Variants in TMEM117 observed in about 807,000 individuals in gnomAD.
TMEM117 encodes transmembrane protein 117.
In TMEM117, 27 loss-of-function variants were observed where a neutral mutation model predicts 52.4. The ratio of observed to expected loss-of-function variants is 0.51; its 90% CI spans 0.38 to 0.71. The LOEUF (loss-of-function observed/expected upper bound fraction) is 0.71. Ranked by LOEUF, TMEM117 falls within the 30% of genes least tolerant of loss-of-function variation. TMEM117 has a pLI of 0.00. For synonymous variants in TMEM117, 215 were observed against 206.3 expected, an observed-to-expected ratio of 1.04 and a Z score of -0.36; for missense variants, 556 against 630.5, an observed-to-expected ratio of 0.88 and a Z score of 1.26.
intron 5 of TMEM117, among the ~76,000 whole-genome samples, chr12:44,230,518 A>G (rs1273250269): frequency 6.6e-6 from 1 of 151,766 alleles, no homozygotes; most frequent in African/African-American, 2.4e-5. Context: ...TCAGATTCTC[A>G]CCCTCTTTCT....
chr12:43,832,320 T>C (rs1942987750), upstream of TMEM117, among the ~76,000 whole-genome samples: 1 of 152,216 alleles, frequency 6.6e-6, no homozygotes, highest in African/African-American at 2.4e-5. Context: ...ACCTATTACA[T>C]GGCAGACACT....
chr12:44,246,419 C>A (rs1333507731), intron 5 of TMEM117, among the ~76,000 whole-genome samples: 1 of 152,092 alleles, frequency 6.6e-6, no homozygotes, highest in African/African-American at 2.4e-5. Flanking sequence ...TTAAAGAAGA[C>A]TGTTTGCTTT....
At chr12:44,322,432 C>T (rs1350209652) in intron 6 of TMEM117, among the ~76,000 whole-genome samples, 9 of 152,074 alleles carry the variant, frequency 5.9e-5, no homozygotes, top group Non-Finnish European at 1.0e-4. Context: ...AGCTTCATTT[C>T]GCTACTAAAA....
chr12:44,191,638 T>C (rs1385860296), intron 4 of TMEM117, among the ~76,000 whole-genome samples: 1 of 152,146 alleles, frequency 6.6e-6, no homozygotes, highest in Non-Finnish European at 1.5e-5. Flanking sequence ...GCTCACCTTA[T>C]ATAATAATGA....
At chr12:43,976,796 T>C (rs1328299612) in intron 3 of TMEM117, among the ~76,000 whole-genome samples, 2 of 152,212 alleles carry the variant, frequency 1.3e-5, no homozygotes, top group Non-Finnish European at 2.9e-5. Context: ...TTGAAGAGTA[T>C]AGATGTGTGC....
At chr12:43,882,222 G>A (rs1334010266) in intron 2 of TMEM117, among the ~76,000 whole-genome samples, 3 of 152,028 alleles carry the variant, frequency 2.0e-5, no homozygotes, top group Admixed American at 6.6e-5. Flanking sequence ...TATTATGGAA[G>A]GCCAAGGCGG....
At chr12:44,214,138 A>AAT (rs1410724769) in intron 5 of TMEM117, among the ~76,000 whole-genome samples, 3 of 99,222 alleles carry the variant, frequency 3.0e-5, no homozygotes, top group African/African-American at 9.6e-5. Context: ...TTTTTTTTTA[A>AAT]TTTTTTTTTT....
At chr12:44,237,893 A>G (rs1208240945) in intron 5 of TMEM117, among the ~76,000 whole-genome samples, 2 of 152,168 alleles carry the variant, frequency 1.3e-5, no homozygotes, top group African/African-American at 4.8e-5. Context: ...AAGTTAATGC[A>G]TTTGCATTAT....
intron 3 of TMEM117, among the ~76,000 whole-genome samples, chr12:44,004,038 G>A (rs1249924214): frequency 6.6e-6 from 1 of 152,172 alleles, no homozygotes; most frequent in Non-Finnish European, 1.5e-5. Context: ...TAATGGTGGA[G>A]TATCTGAACT....
chr12:44,030,141 T>G (rs1344308109), intron 3 of TMEM117, among the ~76,000 whole-genome samples: 1 of 152,258 alleles, frequency 6.6e-6, no homozygotes, highest in Non-Finnish European at 1.5e-5. Context: ...GTGACTTAAG[T>G]AATCTTTAGG....
intron 3 of TMEM117, among the ~76,000 whole-genome samples, chr12:43,974,233 T>C (rs191924038): frequency 6.6e-5 from 10 of 152,286 alleles, no homozygotes; most frequent in Non-Finnish European, 1.5e-4. Flanking sequence ...TTGTTTTTTC[T>C]TGGAGACTGC....
At chr12:44,241,256 T>C (rs1950058224) in intron 5 of TMEM117, among the ~76,000 whole-genome samples, 1 of 151,870 alleles carries the variant, frequency 6.6e-6, no homozygotes, top group Non-Finnish European at 1.5e-5. Context: ...TTTGATCTGA[T>C]GTTAATTGTA....
In TMEM117 at chr12:44,388,851, C is replaced by A; in HGVS notation, c.*179C>A. 1 of 686,068 alleles carries A rather than the reference C, an allele frequency of 1.5e-6. No individual in the cohort carries two copies. Among genetic ancestry groups the A allele is most frequent in the Non-Finnish European group, 2.4e-6 (1 of 418,786 alleles). 42.5% of individuals were successfully genotyped at this position (686,068 alleles called of 1,614,324 possible). A position where few individuals can be genotyped will look rare whatever the true frequency, so the allele number is the denominator to read the frequency against. On this transcript the variant is annotated 3_prime_UTR_variant, in exon 8 of 8. Coordinates refer to ENST00000266534, the MANE Select transcript of TMEM117 (RefSeq NM_032256.3). ...ATTGTTTTCTATTTGTATTATAATA[C>A]ACGTGCCTACTGTATACTCAACAGT...
At chr12:44,214,045 T>A (rs1949681666) in intron 5 of TMEM117, among the ~76,000 whole-genome samples, 1 of 152,104 alleles carries the variant, frequency 6.6e-6, no homozygotes, top group African/African-American at 2.4e-5. Context: ...ATGATTGCTG[T>A]TTCAGAGGAG....
At chr12:44,104,213 T>C (rs563656253) in intron 3 of TMEM117, among the ~76,000 whole-genome samples, 37 of 152,152 alleles carry the variant, frequency 2.4e-4, no homozygotes, top group African/African-American at 8.7e-4. Context: ...GAATGATTAA[T>C]TAGTATATTA....
chr12:44,134,549 AC>A (rs1948462207), intron 3 of TMEM117, among the ~76,000 whole-genome samples: 1 of 152,198 alleles, frequency 6.6e-6, no homozygotes, highest in African/African-American at 2.4e-5. Flanking sequence ...TTAGATTTAA[AC>A]AAAAGTTAAA....
chr12:44,176,914 G>A (rs895458726), intron 4 of TMEM117, among the ~76,000 whole-genome samples: 1 of 152,036 alleles, frequency 6.6e-6, no homozygotes, highest in Non-Finnish European at 1.5e-5. Flanking sequence ...ACAGTGTTAA[G>A]AATATAAAAA....
intron 5 of TMEM117, among the ~76,000 whole-genome samples, chr12:44,271,363 C>A (rs980934975): frequency 6.6e-6 from 1 of 151,976 alleles, no homozygotes; most frequent in Non-Finnish European, 1.5e-5. Flanking sequence ...GAGAGCATAA[C>A]TGTCTTTTCC....
At chr12:44,294,928 A>G (rs1950748254) in intron 5 of TMEM117, among the ~76,000 whole-genome samples, 2 of 152,170 alleles carry the variant, frequency 1.3e-5, no homozygotes. Context: ...TGGTTGACTG[A>G]CTGTAGGTAA....
Sources: allele counts gnomAD v4.1 joint callset (sites outside exome capture counted in the v4.1 genomes callset), GRCh38; gene constraint gnomAD v4.1.1; transcripts MANE v1.5; gene names NCBI Gene and HGNC (gene_info 2026-07-23, HGNC 2026-07-21).